PCLO: variants seen among roughly 807,000 people sequenced by gnomAD.
PCLO encodes piccolo presynaptic cytomatrix protein, also known as protein piccolo.
A neutral mutation model predicts 427.5 loss-of-function variants in PCLO; 82 were observed. That is an observed-to-expected ratio of 0.19 (90% CI 0.16 to 0.23). The LOEUF is 0.23. Ranked by LOEUF, PCLO falls within the 10% of genes least tolerant of loss-of-function variation. The pLI, the probability that PCLO is intolerant of heterozygous loss-of-function variation, is 1.00. For synonymous variants in PCLO, 2,357 were observed against 2,155.4 expected (o/e 1.09, Z -2.59); for missense variants, 6,239 against 6,115.9 (o/e 1.02, Z -0.67).
Position 82,952,762 on chromosome 7 carries a change from G to T in PCLO, c.8191C>A (p.Arg2731Ser), listed in dbSNP as rs200801599. ...TTAACTTCTACCTTTGGTACTGTACGCAAATCAATTACATCACCAACAAGT... is the reference window on the plus strand; with the variant it reads ...TTAACTTCTACCTTTGGTACTGTACTCAAATCAATTACATCACCAACAAGT... Reference protein sequence around the residue: ...LQLVGDVIDLRTVPKVEVKTT... With the variant: ...LQLVGDVIDLSTVPKVEVKTT... The change falls in exon 5 of 25, where the codon CGT becomes AGT. Residue 2731 changes from arginine to serine, a missense_variant. Physicochemically the swap from Arg to Ser is moderately radical, Grantham distance 110. Around this residue, in one of 5 missense-constraint regions of PCLO, gnomAD observed 4,677 missense variants for 4,468.4 expected, o/e 1.05. Transcript: ENST00000333891. 1.2e-6 allele frequency: 2 copies of T among 1,613,028 alleles called. No homozygotes were observed. The highest frequency in any genetic ancestry group is 1.7e-5 in the Admixed American group (1 of 59,888).
At chr7:83,152,775 A>G (rs1330202236) in intron 2 of PCLO, among the ~76,000 whole-genome samples, 1 of 152,152 alleles carries the variant, frequency 6.6e-6, no homozygotes, top group African/African-American at 2.4e-5. Flanking sequence ...TCTGAAGTCC[A>G]TATTTATTCA....
rs1368293340 is a variant in PCLO at position 82,909,932 on chromosome 7, ATTATT to A, written c.13301-924_13301-920del. The stretch of plus-strand genomic sequence containing the variant: ...GCAACTATATTTAAGGTACACAATT[ATTATT>A]TTAAATTAAATTTCATTCATTAGTA... On this transcript the variant is annotated intron_variant, in intron 7 of 24. Coordinates refer to ENST00000333891, the MANE Select transcript of PCLO (RefSeq NM_033026.6). 5.3e-5 allele frequency among the ~76,000 whole-genome samples: 8 copies of A among 152,230 alleles called. No homozygotes were observed. In the East Asian group the frequency reaches 1.6e-3, roughly 30 times the overall value.
intron 22 of PCLO, among the ~76,000 whole-genome samples, chr7:82,794,912 T>C (rs1334040819): frequency 6.6e-6 from 1 of 152,136 alleles, no homozygotes; most frequent in African/African-American, 2.4e-5. Flanking sequence ...CATTTGCTCA[T>C]TGCTTTTATT....
intron 3 of PCLO, among the ~76,000 whole-genome samples, chr7:83,027,592 C>T (rs1391715804): frequency 1.3e-4 from 20 of 150,282 alleles, no homozygotes; most frequent in African/African-American, 4.9e-4. Context: ...GGGAATCCTC[C>T]CTAACTCATT....
intron 3 of PCLO, among the ~76,000 whole-genome samples, chr7:83,099,017 A>G (rs182452752): frequency 3.9e-5 from 6 of 152,184 alleles, no homozygotes; most frequent in Admixed American, 1.3e-4. Flanking sequence ...CTGAAGGCCA[A>G]TGAAATACAT....
intron 9 of PCLO, among the ~76,000 whole-genome samples, chr7:82,883,773 T>G (rs949427263): frequency 6.6e-6 from 1 of 152,208 alleles, no homozygotes; most frequent in Non-Finnish European, 1.5e-5. Flanking sequence ...TTATTTTTTA[T>G]TTTTTAATTT....
chr7:82,859,950 G>A (rs1304597853), intron 10 of PCLO, among the ~76,000 whole-genome samples: 1 of 152,016 alleles, frequency 6.6e-6, no homozygotes, highest in Non-Finnish European at 1.5e-5. Flanking sequence ...TGCATCAGAG[G>A]TCTTTAATAG....
intron 15 of PCLO, 99 bp from the exon 16 acceptor site, chr7:82,835,792 A>C: frequency 1.1e-6 from 1 of 886,328 alleles, no homozygotes. Flanking sequence ...GAAAACATGA[A>C]AATAATAACT....
chr7:82,820,590 T>A (rs1791768151), intron 20 of PCLO: 1 of 1,228,636 alleles, frequency 8.1e-7, no homozygotes, highest in Non-Finnish European at 1.0e-6. Context: ...AATGTCTGTT[T>A]GTAGGATCAA....
At chr7:82,794,406 T>C (rs1337918311) in intron 22 of PCLO, among the ~76,000 whole-genome samples, 4 of 146,760 alleles carry the variant, frequency 2.7e-5, no homozygotes, top group African/African-American at 9.7e-5. Flanking sequence ...ATTGCTAATT[T>C]CTCTTCAGTG....
rs765348242 is a variant in PCLO, at chr7:82,916,435, G to T, written c.11551C>A (p.His3851Asn). ...GCAGTTCTTGGTCGCTCAATGCCAT[G>T]CTGACTTTCTATTCGGGTTGGTCTT... The part of the protein sequence containing the change: ...STRPTRIESQ[H>N]GIERPRTAPQ... The change falls in exon 7 of 25, where the codon CAT becomes AAT. Residue 3851 changes from histidine to asparagine, a missense_variant. His to Asn is a moderately conservative substitution (Grantham distance 68). Coordinates refer to ENST00000333891, the MANE Select transcript of PCLO (RefSeq NM_033026.6). The T allele has an allele frequency of 9.3e-6, 15 of 1,613,556 alleles. No individual in the cohort carries two copies.
intron 22 of PCLO, among the ~76,000 whole-genome samples, chr7:82,800,055 A>T (rs1791310808): frequency 6.6e-6 from 1 of 152,140 alleles, no homozygotes; most frequent in Admixed American, 6.6e-5. Flanking sequence ...AGAGTTCATG[A>T]GTGTACACAG....
intron 3 of PCLO, among the ~76,000 whole-genome samples, chr7:83,047,197 G>C (rs1040052094): frequency 2.0e-5 from 3 of 152,006 alleles, no homozygotes; most frequent in Non-Finnish European, 4.4e-5. Flanking sequence ...TTTGGAAAGA[G>C]TGACACTGGG....
At chr7:83,134,095 G>T (rs1190799265) in intron 3 of PCLO, among the ~76,000 whole-genome samples, 155 bp downstream of exon 3, 2 of 151,360 alleles carry the variant, frequency 1.3e-5, no homozygotes, top group African/African-American at 2.4e-5. Context: ...AGGTAAGCTG[G>T]TAATAAGTAA....
At chr7:83,038,025 A>ATATATATATATTTATATT (rs1562932933) in intron 3 of PCLO, among the ~76,000 whole-genome samples, 18 of 49,088 alleles carry the variant, frequency 3.7e-4, no homozygotes, top group Middle Eastern at 6.8e-3. Context: ...ATATATATAT[A>ATATATATATATTTATATT]TATATTTATA....
chr7:83,056,816 C>A (rs151047954), intron 3 of PCLO, among the ~76,000 whole-genome samples: 1 of 151,986 alleles, frequency 6.6e-6, no homozygotes, highest in Non-Finnish European at 1.5e-5. Flanking sequence ...ATCCACTGCT[C>A]TTTATTTATC....
At position 82,950,284 on chromosome 7, in the gene PCLO, C is replaced by A. The variant is rs775369053; in HGVS notation, c.10304G>T (p.Arg3435Leu). 3.1e-6 allele frequency: 5 copies of A among 1,613,248 alleles called. No homozygotes were observed. In the South Asian group the frequency reaches 3.3e-5, roughly 11 times the overall value. Reference protein sequence around the residue: ...DMGENMTDDPRSFKKIVDSGV... With the variant: ...DMGENMTDDPLSFKKIVDSGV... ...ACTGTCCACTATCTTTTTAAAACTT[C>A]GGGGATCATCTGTCATATTTTCTCC... Residue 3435 changes from arginine to leucine, a missense_variant, in exon 6 of 25, where the codon CGA becomes CTA. Transcript: ENST00000333891.
chr7:83,094,307 C>T (rs999460873), intron 3 of PCLO, among the ~76,000 whole-genome samples: 11 of 147,346 alleles, frequency 7.5e-5, no homozygotes, highest in Non-Finnish European at 1.3e-4. Context: ...CTCCTGAGTT[C>T]AAGCGATTCT....
intron 3 of PCLO, among the ~76,000 whole-genome samples, chr7:83,113,757 A>G (rs1435903443): frequency 1.3e-5 from 2 of 152,170 alleles, no homozygotes; most frequent in Admixed American, 1.3e-4. Flanking sequence ...TACTGAATGA[A>G]CAATTATGTT....
Sources: gnomAD v4.1 joint callset for allele counts (sites outside exome capture counted in the v4.1 genomes callset) on GRCh38, gnomAD v4.1.1 for gene constraint, gnomAD v4.1.1 regional missense constraint, MANE v1.5 for transcripts, NCBI Gene and HGNC (gene_info 2026-07-23, HGNC 2026-07-21) for gene names.